CACNG2: variants seen among roughly 807,000 people sequenced by gnomAD.
CACNG2 encodes voltage-dependent calcium channel gamma-2 subunit.
In CACNG2, 3 loss-of-function variants were observed where a neutral mutation model predicts 25.9. That is an observed-to-expected ratio of 0.12 (90% CI 0.05 to 0.30). The LOEUF is 0.30. Ranked by LOEUF, CACNG2 falls within the 10% of genes least tolerant of loss-of-function variation. The pLI, the probability that CACNG2 is intolerant of heterozygous loss-of-function variation, is 1.00. For synonymous variants in CACNG2, 167 were observed against 173.3 expected, an observed-to-expected ratio of 0.96 and a Z score of 0.29; for missense variants, 341 against 432.5, an observed-to-expected ratio of 0.79 and a Z score of 1.88.
At position 36,642,475 on chromosome 22, in the gene CACNG2, T is replaced by C. The variant is rs561179088; in HGVS notation, c.212-54927A>G. 3.9e-5 allele frequency among the ~76,000 whole-genome samples: 6 copies of C among 152,300 alleles called. No individual in the cohort carries two copies. The South Asian group carries it at 1.2e-3, about 32-fold the overall frequency. On this transcript the variant is annotated intron_variant, in intron 1 of 3. Transcript: ENST00000300105. ...CAGGGGAATTTCCTCATTAGATACA[T>C]GGTACAGCTCCACCCACACACTGGG... is the stretch of plus-strand genomic sequence containing the variant.
chr22:36,684,736 T>C (rs1001460298), intron 1 of CACNG2, among the ~76,000 whole-genome samples: 6 of 152,340 alleles, frequency 3.9e-5, no homozygotes, highest in African/African-American at 1.2e-4. Flanking sequence ...ATACAGATTT[T>C]ATTTTAATTT....
intron 1 of CACNG2, among the ~76,000 whole-genome samples, chr22:36,588,680 C>T (rs549573020): frequency 1.3e-5 from 2 of 152,104 alleles, no homozygotes; most frequent in African/African-American, 2.4e-5. Context: ...CTGAGAGTGG[C>T]GATAACAAGA....
At chr22:36,629,544 G>C (rs1369969731) in intron 1 of CACNG2, among the ~76,000 whole-genome samples, 1 of 151,006 alleles carries the variant, frequency 6.6e-6, no homozygotes, top group Non-Finnish European at 1.5e-5. Context: ...GTGTGTGTGT[G>C]AGAGAGAGAG....
chr22:36,647,394 G>C (rs1292460049), intron 1 of CACNG2, among the ~76,000 whole-genome samples: 2 of 152,106 alleles, frequency 1.3e-5, no homozygotes, highest in Non-Finnish European at 1.5e-5. Context: ...TCAAGAGTTT[G>C]AGACCAGCCT....
chr22:36,683,663 T>G (rs946214171), intron 1 of CACNG2, among the ~76,000 whole-genome samples: 2 of 152,156 alleles, frequency 1.3e-5, no homozygotes, highest in African/African-American at 2.4e-5. Context: ...TAAATCCTTC[T>G]ATGCTTGGAA....
intron 1 of CACNG2, among the ~76,000 whole-genome samples, chr22:36,665,976 C>T (rs560569984): frequency 6.6e-5 from 10 of 152,250 alleles, no homozygotes; most frequent in Non-Finnish European, 1.0e-4. Context: ...CCGTGTCTGT[C>T]GACGGATGAA....
intron 1 of CACNG2, among the ~76,000 whole-genome samples, chr22:36,681,920 A>G (rs544411197): frequency 6.6e-6 from 1 of 152,022 alleles, no homozygotes; most frequent in Admixed American, 6.6e-5. Flanking sequence ...CCCACTCTCT[A>G]TTGGGTCCAT....
At position 36,583,698 on chromosome 22, in the gene CACNG2, T is replaced by A. The variant is rs1157619521; in HGVS notation, c.295+3767A>T. Reference sequence around the variant, plus strand: ...CCAAACATCTCCTTCCTTCTCACCATCACCATGGCTACACTCTGGTTGCCC... The same window carrying A: ...CCAAACATCTCCTTCCTTCTCACCAACACCATGGCTACACTCTGGTTGCCC... On this transcript the variant is annotated intron_variant, in intron 2 of 3. Transcript: ENST00000300105. 2.0e-5 allele frequency among the ~76,000 whole-genome samples: 3 copies of A among 152,180 alleles called. No homozygotes were observed. In the East Asian group the frequency reaches 5.8e-4, roughly 29 times the overall value.
chr22:36,632,862 C>A (rs948410565), intron 1 of CACNG2, among the ~76,000 whole-genome samples: 22 of 152,130 alleles, frequency 1.4e-4, no homozygotes, highest in African/African-American at 4.6e-4. Context: ...CTCCTTATCT[C>A]AGCCCAAGTG....
intron 1 of CACNG2, among the ~76,000 whole-genome samples, chr22:36,588,574 G>A (rs1935540414): frequency 6.6e-6 from 1 of 152,248 alleles, no homozygotes; most frequent in Non-Finnish European, 1.5e-5. Flanking sequence ...ATGGAAGAAA[G>A]ATTGGGTGTA....
At chr22:36,653,587 C>T (rs187931640) in intron 1 of CACNG2, among the ~76,000 whole-genome samples, 19 of 132,948 alleles carry the variant, frequency 1.4e-4, no homozygotes, top group African/African-American at 7.7e-4. Context: ...TGTCCAGCCT[C>T]GGCTTATAGA....
chr22:36,681,700 T>A (rs1937126957), intron 1 of CACNG2, among the ~76,000 whole-genome samples: 1 of 152,168 alleles, frequency 6.6e-6, no homozygotes, highest in Non-Finnish European at 1.5e-5. Flanking sequence ...GACTAGGGTT[T>A]AAATCCCTGC....
chr22:36,601,642 G>A lies in CACNG2; in HGVS notation c.212-14094C>T, dbSNP rs1040249117. On this transcript the variant is annotated intron_variant, in intron 1 of 3. Transcript: ENST00000300105. ...CCAAATTACAGGCGCCTGCCACTAC[G>A]CCTGGCTAATTTTTGTATTTTTAGT... Among the ~76,000 whole-genome samples the A allele has an allele frequency of 7.2e-5, 11 of 152,104 alleles. 1 individual carries two copies. In the South Asian group the frequency reaches 1.9e-3, roughly 26 times the overall value.
intron 1 of CACNG2, among the ~76,000 whole-genome samples, chr22:36,605,588 G>A (rs923713854): frequency 3.3e-5 from 5 of 152,236 alleles, no homozygotes; most frequent in Non-Finnish European, 5.9e-5. Context: ...GAACCTGAGC[G>A]TTGGCTCCTC....
intron 1 of CACNG2, among the ~76,000 whole-genome samples, chr22:36,620,635 C>CT (rs1039775331): frequency 1.1e-4 from 17 of 151,978 alleles, no homozygotes; most frequent in African/African-American, 3.1e-4. Flanking sequence ...TTCTCCGCAC[C>CT]TTTTTTTTGC....
chr22:36,686,509 T>C (rs367728654), intron 1 of CACNG2, among the ~76,000 whole-genome samples: 143 of 152,252 alleles, frequency 9.4e-4, no homozygotes, highest in African/African-American at 3.2e-3. Context: ...ATAAACAGAC[T>C]CAGGCATGCA....
intron 1 of CACNG2, among the ~76,000 whole-genome samples, chr22:36,672,779 C>T (rs77130707): frequency 0.045 from 6,803 of 152,298 alleles, 204 homozygotes; most frequent in Non-Finnish European, 0.066. Context: ...AATCCCATTC[C>T]GTACTTTAGT....
chr22:36,593,316 C>T (rs991935032), intron 1 of CACNG2, among the ~76,000 whole-genome samples: 1 of 152,206 alleles, frequency 6.6e-6, no homozygotes, highest in Non-Finnish European at 1.5e-5. Context: ...ATAACGGGAG[C>T]AGCATTGGAG....
chr22:36,576,499 C>T (rs548132189), intron 2 of CACNG2, among the ~76,000 whole-genome samples: 2 of 151,434 alleles, frequency 1.3e-5, no homozygotes, highest in Non-Finnish European at 1.5e-5. Context: ...TGTAACCAAA[C>T]ACCACCTGTT....
Sources: allele counts gnomAD v4.1 joint callset (sites outside exome capture counted in the v4.1 genomes callset), GRCh38; gene constraint gnomAD v4.1.1; transcripts MANE v1.5; gene names NCBI Gene and HGNC (gene_info 2026-07-23, HGNC 2026-07-21).